The following CPQ variants were observed in gnomAD, a reference collection of about 807,000 sequenced individuals.
The protein encoded by CPQ is carboxypeptidase Q.
CPQ carries 37 observed loss-of-function variants against 45.7 expected under a neutral mutation model. That is an observed-to-expected ratio of 0.81 (90% CI 0.62 to 1.07). The LOEUF is 1.07. Among genes scored for constraint, CPQ ranks in the 50% least tolerant of loss-of-function variants. CPQ has a pLI of 0.00. For synonymous variants in CPQ, 186 were observed against 205.8 expected (o/e 0.90, Z 0.82); for missense variants, 537 against 572.9 (o/e 0.94, Z 0.64).
intron 1 of CPQ, among the ~76,000 whole-genome samples, chr8:96,774,818 G>A (rs1810586530): frequency 6.6e-6 from 1 of 152,102 alleles, no homozygotes; most frequent in African/African-American, 2.4e-5. Context: ...CTTGCTTATG[G>A]TGTTAAGTAG....
chr8:97,072,113 C>T (rs895527520), intron 7 of CPQ, among the ~76,000 whole-genome samples: 3 of 152,110 alleles, frequency 2.0e-5, no homozygotes, highest in African/African-American at 7.2e-5. Flanking sequence ...CTAAATCATG[C>T]AGAGGCGATA....
intron 2 of CPQ, among the ~76,000 whole-genome samples, chr8:96,829,498 T>C (rs1196908052): frequency 6.6e-6 from 1 of 152,138 alleles, no homozygotes; most frequent in Non-Finnish European, 1.5e-5. Flanking sequence ...AATACCTTGG[T>C]TAAAAGTTGG....
chr8:97,012,462 C>T (rs1431484470), intron 5 of CPQ, among the ~76,000 whole-genome samples: 3 of 152,178 alleles, frequency 2.0e-5, no homozygotes, highest in Non-Finnish European at 4.4e-5. Context: ...GGTTTGAGGA[C>T]GGGGGTCCTG....
intron 3 of CPQ, among the ~76,000 whole-genome samples, chr8:96,876,018 A>C (rs1732405043): frequency 6.6e-6 from 1 of 151,848 alleles, no homozygotes; most frequent in African/African-American, 2.4e-5. Context: ...ATGTTGGTTA[A>C]ATTTATTTGT....
chr8:97,043,309 C>G (rs1409538545), intron 6 of CPQ, among the ~76,000 whole-genome samples: 3 of 150,670 alleles, frequency 2.0e-5, no homozygotes, highest in Admixed American at 2.0e-4. Flanking sequence ...GGATTGCAAC[C>G]CCTGCCTTTT....
At chr8:96,742,825 G>C (rs1324871406) in intron 1 of CPQ, among the ~76,000 whole-genome samples, 1 of 152,136 alleles carries the variant, frequency 6.6e-6, no homozygotes, top group Non-Finnish European at 1.5e-5. Flanking sequence ...CTGGCTTGTA[G>C]AGTTTCTGCC....
rs114828092 is a variant in CPQ at position 96,747,410 on chromosome 8, G to T, written c.-34-37454G>T. Reference sequence around the variant, plus strand: ...CTACTAGAATGTGAACAAATTTTGAGAAAGGCCTACCATTGAGGTGAGTGT... The same window carrying T: ...CTACTAGAATGTGAACAAATTTTGATAAAGGCCTACCATTGAGGTGAGTGT... On this transcript the variant is annotated intron_variant, in intron 1 of 7. Transcript: ENST00000220763. Among the ~76,000 whole-genome samples the T allele has an allele frequency of 3.4e-3, 515 of 152,128 alleles. 4 individuals are homozygous for T. Among genetic ancestry groups the T allele is most frequent in the African/African-American group, 0.012 (486 of 41,510 alleles).
At chr8:96,825,077 G>A (rs118004436) in intron 2 of CPQ, among the ~76,000 whole-genome samples, 2,353 of 152,082 alleles carry the variant, frequency 0.015, 35 homozygotes, top group Non-Finnish European at 0.019. Flanking sequence ...GTTTGGGTAG[G>A]ATTGGCCCCT....
intron 2 of CPQ, among the ~76,000 whole-genome samples, chr8:96,789,732 G>T (rs929404955): frequency 4.6e-5 from 7 of 152,192 alleles, no homozygotes; most frequent in Non-Finnish European, 8.8e-5. Context: ...ATTTTTAAGC[G>T]TGGCTTAATA....
chr8:96,885,734 G>A (rs1442720569), intron 4 of CPQ, among the ~76,000 whole-genome samples: 5 of 152,188 alleles, frequency 3.3e-5, no homozygotes, highest in Admixed American at 1.3e-4. Flanking sequence ...GGTGGCTCAC[G>A]CCTGTAATCT....
At chr8:96,719,672 C>G (rs1490501984) in intron 1 of CPQ, among the ~76,000 whole-genome samples, 1 of 152,224 alleles carries the variant, frequency 6.6e-6, no homozygotes, top group Non-Finnish European at 1.5e-5. Context: ...CCTGTGTCAG[C>G]TGGCAGACTT....
chr8:96,930,106 T>C (rs2130917846), intron 4 of CPQ, among the ~76,000 whole-genome samples: 1 of 152,242 alleles, frequency 6.6e-6, no homozygotes, highest in Non-Finnish European at 1.5e-5. Context: ...GCAACAGAAA[T>C]GAAAAATGAA....
chr8:96,801,711 G>A (rs76904481), intron 2 of CPQ, among the ~76,000 whole-genome samples: 9,303 of 152,178 alleles, frequency 0.061, 632 homozygotes, highest in African/African-American at 0.16. Flanking sequence ...TCCTAGGAGA[G>A]TAGATGACTA....
At chr8:96,679,162 A>G (rs530881566) in intron 1 of CPQ, among the ~76,000 whole-genome samples, 30 of 151,998 alleles carry the variant, frequency 2.0e-4, no homozygotes, top group Non-Finnish European at 3.2e-4. Flanking sequence ...TGCTTTTTCT[A>G]TGTCTACTGA....
chr8:96,660,428 C>G, intron 1 of CPQ, among the ~76,000 whole-genome samples: 1 of 152,138 alleles, frequency 6.6e-6, no homozygotes, highest in East Asian at 1.9e-4. Context: ...AGTCACAGTC[C>G]AAAGCCCTGG....
At chr8:97,106,498 G>T (rs2513412) in intron 7 of CPQ, among the ~76,000 whole-genome samples, 119,676 of 152,252 alleles carry the variant, frequency 0.79, 47,167 homozygotes, top group Non-Finnish European at 0.8. Flanking sequence ...CTTGCGGCAC[G>T]GCGTCTAGAG....
intron 7 of CPQ, among the ~76,000 whole-genome samples, chr8:97,122,308 GA>G (rs1284904292): frequency 6.6e-6 from 1 of 151,900 alleles, no homozygotes; most frequent in Non-Finnish European, 1.5e-5. Flanking sequence ...ATATAAAAAA[GA>G]AAAAGATGAG....
chr8:97,033,103 G>C (rs555236022), intron 6 of CPQ, among the ~76,000 whole-genome samples: 1 of 151,822 alleles, frequency 6.6e-6, no homozygotes, highest in Non-Finnish European at 1.5e-5. Context: ...ATGGAGTCTC[G>C]AGGTCTGCCT....
intron 1 of CPQ, among the ~76,000 whole-genome samples, chr8:96,750,937 C>G (rs1221806330): frequency 6.6e-6 from 1 of 152,076 alleles, no homozygotes; most frequent in African/African-American, 2.4e-5. Context: ...GCTTCCAGCT[C>G]CATCCATGTC....
Sources: gnomAD v4.1 joint callset for allele counts (sites outside exome capture counted in the v4.1 genomes callset) on GRCh38, gnomAD v4.1.1 for gene constraint, MANE v1.5 for transcripts, NCBI Gene and HGNC (gene_info 2026-07-23, HGNC 2026-07-21) for gene names.